SUGCT: variants seen among roughly 807,000 people sequenced by gnomAD.
SUGCT encodes the protein succinyl-CoA:glutarate-CoA transferase.
Under a neutral mutation model 55.0 loss-of-function variants are expected in SUGCT, and 41 were observed. The ratio of observed to expected loss-of-function variants is 0.74; its 90% CI spans 0.58 to 0.97. SUGCT has a LOEUF of 0.97. Among genes scored for constraint, SUGCT ranks in the 50% least tolerant of loss-of-function variants. The pLI, the probability that SUGCT is intolerant of heterozygous loss-of-function variation, is 0.00. For missense variants in SUGCT, 568 were observed against 547.8 expected, an observed-to-expected ratio of 1.04 and a Z score of -0.37; for synonymous variants, 187 against 200.4, an observed-to-expected ratio of 0.93 and a Z score of 0.56.
intron 8 of SUGCT, among the ~76,000 whole-genome samples, chr7:40,314,190 C>T (rs1266130539): frequency 6.6e-6 from 1 of 152,198 alleles, no homozygotes; most frequent in African/African-American, 2.4e-5. Context: ...CAGTTCTTCC[C>T]TATCCCTGGC....
the SUGCT span, among the ~76,000 whole-genome samples, chr7:40,918,329 C>G: frequency 6.6e-6 from 1 of 151,778 alleles, no homozygotes; most frequent in East Asian, 1.9e-4. Flanking sequence ...GGCATGGTGG[C>G]GTGTGCTTGT....
At chr7:40,432,767 C>CAGTGT (rs1182661211) in intron 9 of SUGCT, among the ~76,000 whole-genome samples, 2 of 149,998 alleles carry the variant, frequency 1.3e-5, no homozygotes, top group Admixed American at 6.6e-5. Context: ...CAATGTATTG[C>CAGTGT]AGTGTAGATT....
the SUGCT span, among the ~76,000 whole-genome samples, chr7:40,905,700 T>C: frequency 8.7e-4 from 132 of 152,200 alleles, 2 homozygotes; most frequent in South Asian, 0.024. Flanking sequence ...AATTTACCAT[T>C]TTAAATTTTT....
chr7:40,338,895 T>C (rs565494196), intron 9 of SUGCT, among the ~76,000 whole-genome samples: 4 of 152,298 alleles, frequency 2.6e-5, no homozygotes, highest in African/African-American at 9.6e-5. Flanking sequence ...CCTTTGGTCT[T>C]TGATGATGAT....
chr7:40,550,428 C>T (rs1795238445), intron 12 of SUGCT, among the ~76,000 whole-genome samples: 1 of 152,170 alleles, frequency 6.6e-6, no homozygotes, highest in Non-Finnish European at 1.5e-5. Context: ...TTTCTGACAC[C>T]AATTCTGCTC....
chr7:40,652,210 A>T (rs1800811451), intron 12 of SUGCT, among the ~76,000 whole-genome samples: 1 of 152,154 alleles, frequency 6.6e-6, no homozygotes, highest in Non-Finnish European at 1.5e-5. Flanking sequence ...TTTTCAGTAA[A>T]TAAGGAAGCT....
chr7:40,184,117 G>T (rs1207579686), intron 3 of SUGCT, among the ~76,000 whole-genome samples: 1 of 152,158 alleles, frequency 6.6e-6, no homozygotes, highest in Non-Finnish European at 1.5e-5. Flanking sequence ...GGAGGTTGCA[G>T]TGAGTCGAGA....
intron 6 of SUGCT, among the ~76,000 whole-genome samples, chr7:40,227,298 G>A (rs1168974214): frequency 3.3e-5 from 5 of 151,774 alleles, no homozygotes; most frequent in African/African-American, 4.8e-5. Flanking sequence ...ATCCACCCCC[G>A]CTTGGCCTCC....
At chr7:40,941,061 G>T in the SUGCT span, among the ~76,000 whole-genome samples, 2 of 151,868 alleles carry the variant, frequency 1.3e-5, no homozygotes, top group African/African-American at 4.8e-5. Context: ...TGCTTATTTT[G>T]TTGAGGGTTT....
intron 7 of SUGCT, among the ~76,000 whole-genome samples, chr7:40,263,753 C>T (rs924414875): frequency 2.6e-5 from 4 of 152,200 alleles, no homozygotes; most frequent in Non-Finnish European, 5.9e-5. Context: ...GAGAATGACA[C>T]AAATCACTTT....
At chr7:40,483,298 C>CA (rs1034802070) in intron 11 of SUGCT, among the ~76,000 whole-genome samples, 2 of 152,110 alleles carry the variant, frequency 1.3e-5, no homozygotes, top group Non-Finnish European at 2.9e-5. Context: ...ACCCCTGTAC[C>CA]AAGTTTTTGT....
chr7:40,184,405 C>A (rs1352384610), intron 3 of SUGCT, among the ~76,000 whole-genome samples: 1 of 152,000 alleles, frequency 6.6e-6, no homozygotes, highest in Non-Finnish European at 1.5e-5. Flanking sequence ...TTAGCTGGAA[C>A]CATAGTTGTG....
chr7:40,324,252 A>AATAAATAT (rs1554311559), intron 9 of SUGCT, among the ~76,000 whole-genome samples: 1 of 117,650 alleles, frequency 8.5e-6, no homozygotes, highest in African/African-American at 3.6e-5. Flanking sequence ...TAAATAAATA[A>AATAAATAT]ATATATATAT....
chr7:40,338,707 C>T (rs969903707), intron 9 of SUGCT, among the ~76,000 whole-genome samples: 3 of 152,166 alleles, frequency 2.0e-5, no homozygotes, highest in Non-Finnish European at 2.9e-5. Flanking sequence ...TCTGCTTTAG[C>T]TTGGAGAAGT....
At chr7:40,912,912 A>G in the SUGCT span, among the ~76,000 whole-genome samples, 3 of 151,708 alleles carry the variant, frequency 2.0e-5, no homozygotes, top group East Asian at 3.9e-4. Flanking sequence ...TACTTGATGC[A>G]CTTGTCTGAG....
At chr7:40,609,170 G>A (rs1197345171) in intron 12 of SUGCT, among the ~76,000 whole-genome samples, 1 of 152,108 alleles carries the variant, frequency 6.6e-6, no homozygotes, top group Non-Finnish European at 1.5e-5. Flanking sequence ...GTGAAACAAT[G>A]ATAATGGTAG....
chr7:40,175,066 T>C (rs985422276), intron 1 of SUGCT, among the ~76,000 whole-genome samples: 4 of 152,218 alleles, frequency 2.6e-5, no homozygotes, highest in African/African-American at 9.6e-5. Context: ...TGGTTGCTCA[T>C]GTTCTTTTCC....
intron 12 of SUGCT, among the ~76,000 whole-genome samples, chr7:40,563,644 A>T (rs752270515): frequency 1.4e-4 from 22 of 151,750 alleles, no homozygotes; most frequent in Non-Finnish European, 3.1e-4. Context: ...AGCCTGGGAG[A>T]TCAAGGCTGC....
intron 13 of SUGCT, among the ~76,000 whole-genome samples, chr7:40,848,329 C>G (rs1793679746): frequency 6.6e-6 from 1 of 152,188 alleles, no homozygotes; most frequent in South Asian, 2.1e-4. Flanking sequence ...TGGCCCTCTT[C>G]CTACATGCTT....
Sources: allele counts gnomAD v4.1 joint callset (sites outside exome capture counted in the v4.1 genomes callset), GRCh38; gene constraint gnomAD v4.1.1; transcripts MANE v1.5; gene names NCBI Gene and HGNC (gene_info 2026-07-23, HGNC 2026-07-21).